Variants in HERC3 observed in about 807,000 individuals in gnomAD.
The protein encoded by HERC3 is probable E3 ubiquitin-protein ligase HERC3.
HERC3 carries 58 observed loss-of-function variants against 129.9 expected under a neutral mutation model. The observed-to-expected ratio is 0.45, with a 90% CI of 0.36 to 0.56. The LOEUF (loss-of-function observed/expected upper bound fraction) is 0.56. Among genes scored for constraint, HERC3 ranks in the 20% least tolerant of loss-of-function variants. The probability of loss-of-function intolerance (pLI) is 0.00; values close to 1 mark genes in which losing one functional copy is unlikely to be tolerated. For synonymous variants in HERC3, 430 were observed against 451.0 expected (o/e 0.95, Z 0.59); for missense variants, 835 against 1,244.2 (o/e 0.67, Z 4.95).
chr4:88,642,527 C>T (rs1728232637), intron 3 of HERC3, among the ~76,000 whole-genome samples: 2 of 152,170 alleles, frequency 1.3e-5, no homozygotes, highest in African/African-American at 2.4e-5. Context: ...AAAGAACAAA[C>T]ATTTATTCTT....
At chr4:88,635,010 T>C (rs1372053458) in intron 3 of HERC3, among the ~76,000 whole-genome samples, 2 of 151,988 alleles carry the variant, frequency 1.3e-5, no homozygotes, top group Non-Finnish European at 2.9e-5. Flanking sequence ...GTTAGCAGGC[T>C]CAAAGATCGA....
intron 16 of HERC3, 124 bp from the exon 17 acceptor site, chr4:88,676,094 G>T: frequency 1.5e-6 from 1 of 682,730 alleles, no homozygotes; most frequent in Non-Finnish European, 2.5e-6. Context: ...CATTCAAATG[G>T]TGTTAGTTCT....
At chr4:88,568,156 G>A in the HERC3 span, among the ~76,000 whole-genome samples, 1 of 152,182 alleles carries the variant, frequency 6.6e-6, no homozygotes, top group Admixed American at 6.5e-5. Context: ...TCTCCATGCT[G>A]CGCAGGCTGA....
intron 12 of HERC3, among the ~76,000 whole-genome samples, 157 bp downstream of exon 12, chr4:88,664,369 C>T (rs1285376507): frequency 6.6e-6 from 1 of 152,164 alleles, no homozygotes; most frequent in Non-Finnish European, 1.5e-5. Flanking sequence ...GCCTGGACAA[C>T]ATAGTGAGGC....
intron 1 of HERC3, among the ~76,000 whole-genome samples, chr4:88,593,902 G>A (rs564464192): frequency 2.6e-5 from 4 of 152,314 alleles, no homozygotes; most frequent in Non-Finnish European, 5.9e-5. Context: ...GGAGGGAGTA[G>A]CATTATAAAT....
chr4:88,546,812 A>T, the HERC3 span, among the ~76,000 whole-genome samples: 1 of 152,228 alleles, frequency 6.6e-6, no homozygotes, highest in East Asian at 1.9e-4. Flanking sequence ...TCCCAGATGA[A>T]TCTAATGTAT....
chr4:88,666,626 A>G (rs1304324477), intron 12 of HERC3, among the ~76,000 whole-genome samples: 1 of 152,226 alleles, frequency 6.6e-6, no homozygotes, highest in African/African-American at 2.4e-5. Flanking sequence ...CCATTACTCA[A>G]AAACAGAAGC....
At chr4:88,611,643 T>A (rs892356699) in intron 3 of HERC3, among the ~76,000 whole-genome samples, 7 of 152,090 alleles carry the variant, frequency 4.6e-5, no homozygotes, top group Non-Finnish European at 1.0e-4. Flanking sequence ...GTTGAAGGAG[T>A]TAATTCCATG....
chr4:88,691,826 A>G (rs1403037117), intron 23 of HERC3, among the ~76,000 whole-genome samples: 1 of 152,244 alleles, frequency 6.6e-6, no homozygotes, highest in Non-Finnish European at 1.5e-5. Flanking sequence ...TTATATGACT[A>G]AGAAAATGAA....
chr4:88,545,430 C>CCTTTTTTTTTTTTT, the HERC3 span, among the ~76,000 whole-genome samples: 21 of 110,394 alleles, frequency 1.9e-4, 1 homozygote, highest in East Asian at 2.7e-3. Flanking sequence ...TTTGAGAATT[C>CCTTTTTTTTTTTTT]TTTTTTTTTT....
In HERC3 at chr4:88,707,333, C is replaced by T. The variant is rs1262024039; in HGVS notation, c.*373C>T. The T allele has an allele frequency of 4.4e-6, 1 of 225,020 alleles. No homozygotes were observed. The highest frequency in any genetic ancestry group is 8.9e-6 in the Non-Finnish European group (1 of 112,360). 13.9% of individuals were successfully genotyped at this position (225,020 alleles called of 1,614,324 possible). A position where few individuals can be genotyped will look rare whatever the true frequency, so the allele number is the denominator to read the frequency against. ...CCCTGATGTTTTCTCACAGTGCTTC[C>T]TTGTCCTTCTCTTAACTTCTCATTC... On this transcript the variant is annotated 3_prime_UTR_variant, in exon 26 of 26. Transcript: ENST00000402738.
At chr4:88,589,670 A>G (rs1024654377), upstream of HERC3, among the ~76,000 whole-genome samples, 1 of 152,228 alleles carries the variant, frequency 6.6e-6, no homozygotes. Context: ...TCTTCAAAAC[A>G]GTTTACGTAT....
the HERC3 span, among the ~76,000 whole-genome samples, chr4:88,580,786 T>C: frequency 7.9e-3 from 1,208 of 152,280 alleles, 43 homozygotes; most frequent in East Asian, 0.021. Context: ...TTAAGCCTTA[T>C]TGCATTTGGG....
intron 2 of HERC3, among the ~76,000 whole-genome samples, chr4:88,599,013 G>A (rs905445448): frequency 6.6e-6 from 1 of 152,170 alleles, no homozygotes; most frequent in East Asian, 1.9e-4. Context: ...TATTTTGAAG[G>A]AAAATAAAAG....
the HERC3 span, among the ~76,000 whole-genome samples, chr4:88,526,534 T>A: frequency 5.3e-5 from 8 of 152,176 alleles, no homozygotes; most frequent in African/African-American, 1.4e-4. Context: ...CACTTATTTT[T>A]TATTTTTATT....
At position 88,680,203 on chromosome 4, in the gene HERC3, T is replaced by C. The variant is rs771310352; in HGVS notation, c.2307T>C (p.Tyr769=). The part of the protein sequence containing the change: ...LNPIYGMFTY[Y]QDSNLLWFSD... ...CCATCTATGGAATGTTTACCTACTA[T>C]CAAGATTCAAATCTCTTGTGGTTTT... The change falls in exon 20 of 26, where the codon TAT becomes TAC. Residue 769 remains tyrosine, a synonymous_variant. Transcript: ENST00000402738. 2 of 1,610,408 alleles carry C rather than the reference T, an allele frequency of 1.2e-6. No homozygotes were observed. The highest frequency in any genetic ancestry group is 1.7e-6 in the Non-Finnish European group (2 of 1,178,680).
the HERC3 span, among the ~76,000 whole-genome samples, chr4:88,584,508 A>C: frequency 6.6e-6 from 1 of 152,232 alleles, no homozygotes; most frequent in Non-Finnish European, 1.5e-5. Flanking sequence ...GCTCATGTTG[A>C]AATTAAATTG....
intron 2 of HERC3, among the ~76,000 whole-genome samples, chr4:88,603,566 C>T (rs1430710506): frequency 6.6e-6 from 1 of 152,168 alleles, no homozygotes; most frequent in African/African-American, 2.4e-5. Flanking sequence ...ATAAGGCATG[C>T]TTGGGATTTC....
chr4:88,589,256 TA>T (rs1401905598), upstream of HERC3, among the ~76,000 whole-genome samples: 3 of 152,198 alleles, frequency 2.0e-5, no homozygotes, highest in East Asian at 5.8e-4. Flanking sequence ...TGCCTATTTT[TA>T]TTTTTTGGAG....
Sources: allele counts gnomAD v4.1 joint callset (sites outside exome capture counted in the v4.1 genomes callset), GRCh38; gene constraint gnomAD v4.1.1; transcripts MANE v1.5; gene names NCBI Gene and HGNC (gene_info 2026-07-23, HGNC 2026-07-21).